TJP1: variants seen among roughly 807,000 people sequenced by gnomAD.
The protein encoded by TJP1 is tight junction protein 1, also known as tight junction protein ZO-1.
In TJP1, 43 loss-of-function variants were observed where a neutral mutation model predicts 194.2. That is an observed-to-expected ratio of 0.22 (90% CI 0.17 to 0.29). The LOEUF is 0.29. Among genes scored for constraint, TJP1 ranks in the 10% least tolerant of loss-of-function variants. TJP1 has a pLI of 1.00. For missense variants in TJP1, 1,971 were observed against 2,185.7 expected, an observed-to-expected ratio of 0.90 and a Z score of 1.96; for synonymous variants, 801 against 779.0, an observed-to-expected ratio of 1.03 and a Z score of -0.47.
chr15:29,776,281 T>C (rs2047009146), intron 2 of TJP1, among the ~76,000 whole-genome samples: 1 of 152,174 alleles, frequency 6.6e-6, no homozygotes, highest in South Asian at 2.1e-4. Flanking sequence ...AAAAATTATA[T>C]GATTATCTCC....
chr15:29,806,803 A>T (rs2049140184), intron 1 of TJP1, among the ~76,000 whole-genome samples: 1 of 152,216 alleles, frequency 6.6e-6, no homozygotes, highest in Non-Finnish European at 1.5e-5. Context: ...ATAGTGCTAC[A>T]TGTTAAAAGG....
intron 2 of TJP1, among the ~76,000 whole-genome samples, chr15:29,907,724 C>G (rs990568706): frequency 1.3e-5 from 2 of 152,096 alleles, no homozygotes; most frequent in African/African-American, 4.8e-5. Flanking sequence ...GTTGTTTTAA[C>G]TTACCCATCA....
chr15:29,716,657 G>C lies in TJP1; in HGVS notation c.4156C>G (p.Pro1386Ala). ...TTTGATTGATTCTGAGAATGCGCTG[G>C]CTTTGCAGGCTCGGAGAGATGGCTG... Reference protein sequence around the residue: ...AASHLSEPAKPAHSQNQSNFS... With the variant: ...AASHLSEPAKAAHSQNQSNFS... The change falls in exon 23 of 28, where the codon CCA becomes GCA. Residue 1386 changes from proline to alanine, a missense_variant. Pro to Ala is a conservative substitution (Grantham distance 27). Transcript: ENST00000614355. 6.2e-7 allele frequency: 1 copy of C among 1,613,884 alleles called. No homozygotes were observed.
At chr15:29,820,492 T>G in intron 1 of TJP1, 1 of 716,160 alleles carries the variant, frequency 1.4e-6, no homozygotes, top group Admixed American at 2.0e-5. Context: ...CATACAAATC[T>G]CAATACTATA....
rs1208266411 is a variant in TJP1, at chr15:29,949,454, A to T, written c.306+6778T>A. On this transcript the variant is annotated intron_variant, in intron 2 of 28. Transcript: ENST00000356107. ...CACCACCTCCACCTCCACCTTCACC[A>T]CCACTTCCACCACCACCACCTCCAC... Among the ~76,000 whole-genome samples the T allele has an allele frequency of 2.4e-5, 3 of 122,704 alleles. No individual in the cohort carries two copies. In the Admixed American group the frequency reaches 2.7e-4, roughly 11 times the overall value. 80.5% of individuals were successfully genotyped at this position (122,704 alleles called of 152,430 possible).
chr15:29,787,747 G>A (rs947781478), intron 2 of TJP1, among the ~76,000 whole-genome samples: 1 of 151,994 alleles, frequency 6.6e-6, no homozygotes, highest in Non-Finnish European at 1.5e-5. Context: ...TTATTCATCA[G>A]CTAATATAGC....
At chr15:29,871,902 A>T (rs2052538502) in intron 2 of TJP1, among the ~76,000 whole-genome samples, 1 of 152,270 alleles carries the variant, frequency 6.6e-6, no homozygotes, top group Admixed American at 6.5e-5. Context: ...AAACAAAAAA[A>T]AGTTACTAAA....
intron 2 of TJP1, among the ~76,000 whole-genome samples, chr15:29,876,853 C>T (rs796602218): frequency 2.0e-5 from 3 of 152,318 alleles, no homozygotes; most frequent in African/African-American, 7.2e-5. Flanking sequence ...CTAGCACACT[C>T]TTGACCATAT....
At chr15:29,853,620 C>G (rs2051730731) in intron 2 of TJP1, among the ~76,000 whole-genome samples, 1 of 152,088 alleles carries the variant, frequency 6.6e-6, no homozygotes, top group African/African-American at 2.4e-5. Context: ...TTTTTCCCCC[C>G]ACAGGAGTCA....
rs537090632 is a variant in TJP1 at position 29,791,510 on chromosome 15, T to C, written c.84+9136A>G. ...ATCTAGGCTCACTCCAAGCTCCACC[T>C]CCCAGGTTCACGCCATTCTCCTGCC... On this transcript the variant is annotated intron_variant, in intron 2 of 27. Coordinates refer to ENST00000614355, the MANE Select transcript of TJP1 (RefSeq NM_001330239.4). Among the ~76,000 whole-genome samples the C allele has an allele frequency of 4.9e-3, 623 of 127,566 alleles. 9 individuals carry two copies. Among genetic ancestry groups the C allele is most frequent in the Middle Eastern group, 0.035 (7 of 200 alleles). 83.7% of individuals were successfully genotyped at this position (127,566 alleles called of 152,430 possible).
At chr15:29,751,358 G>A (rs548835819) in intron 8 of TJP1, among the ~76,000 whole-genome samples, 1 of 152,254 alleles carries the variant, frequency 6.6e-6, no homozygotes, top group African/African-American at 2.4e-5. Flanking sequence ...GCATGCTTCT[G>A]AAAAAATCTG....
Position 29,704,485 on chromosome 15 carries a change from T to C in TJP1, c.5069-180A>G, listed in dbSNP as rs375021009. Among the ~76,000 whole-genome samples the C allele has an allele frequency of 3.9e-5, 6 of 152,340 alleles. No individual in the cohort carries two copies. The East Asian group carries it at 1.2e-3, about 29-fold the overall frequency. On this transcript the variant is annotated intron_variant, in intron 26 of 27. Coordinates refer to ENST00000614355, the MANE Select transcript of TJP1 (RefSeq NM_001330239.4). ...ACATATGGAATCTTAAATTTCCCAG[T>C]AGCCACGTTAGAAAGTAAAAAGAAA...
intron 2 of TJP1, among the ~76,000 whole-genome samples, chr15:29,862,752 A>T (rs1381361603): frequency 1.4e-5 from 2 of 145,432 alleles, no homozygotes; most frequent in Non-Finnish European, 3.0e-5. Context: ...GGTTCACGCC[A>T]TTCTCCTGCC....
At chr15:29,702,589 T>C (rs1339272551) in intron 27 of TJP1, among the ~76,000 whole-genome samples, 2 of 152,236 alleles carry the variant, frequency 1.3e-5, no homozygotes, top group Non-Finnish European at 1.5e-5. Flanking sequence ...CCAGGGAAGC[T>C]GCTAAATATT....
intron 2 of TJP1, among the ~76,000 whole-genome samples, chr15:29,777,027 AC>A (rs143354881): frequency 2.7e-5 from 4 of 150,768 alleles, no homozygotes; most frequent in Admixed American, 6.6e-5. Flanking sequence ...CCTGCCTTCC[AC>A]CCCCCCCACT....
chr15:29,892,337 A>T (rs2053339294), intron 2 of TJP1, among the ~76,000 whole-genome samples: 1 of 152,250 alleles, frequency 6.6e-6, no homozygotes, highest in Non-Finnish European at 1.5e-5. Flanking sequence ...TCCGTAACAT[A>T]AAAGTGCAAG....
chr15:29,704,032 G>C, intron 27 of TJP1, 130 bp downstream of exon 27: 1 of 883,104 alleles, frequency 1.1e-6, no homozygotes, highest in Admixed American at 2.8e-5. Flanking sequence ...GAAAACACTG[G>C]TGATGCCTAC....
chr15:29,869,694 C>T lies in TJP1; in HGVS notation c.307-68992G>A, dbSNP rs551248893. Among the ~76,000 whole-genome samples, 6 of 152,132 alleles carry T rather than the reference C, an allele frequency of 3.9e-5. No individual in the cohort carries two copies. The South Asian group carries it at 8.3e-4, about 21-fold the overall frequency. On this transcript the variant is annotated intron_variant, in intron 2 of 28. Coordinates refer to the TJP1 transcript ENST00000356107. ...GGCACCTTACAGACACCGCATCACCCGCTGCCCTGTTCCACCTGCCAAGGG... is the reference window on the plus strand; with the variant it reads ...GGCACCTTACAGACACCGCATCACCTGCTGCCCTGTTCCACCTGCCAAGGG...
chr15:29,876,540 GA>G (rs1388793295), intron 2 of TJP1, among the ~76,000 whole-genome samples: 4 of 151,380 alleles, frequency 2.6e-5, no homozygotes, highest in South Asian at 2.1e-4. Context: ...AAAAATATGA[GA>G]TTTTTTTTGT....
Sources: gnomAD v4.1 joint callset for allele counts (sites outside exome capture counted in the v4.1 genomes callset) on GRCh38, gnomAD v4.1.1 for gene constraint, MANE v1.5 for transcripts, NCBI Gene and HGNC (gene_info 2026-07-23, HGNC 2026-07-21) for gene names.